The following FAM210A variants were observed in gnomAD, a reference collection of about 807,000 sequenced individuals.
FAM210A encodes the protein family with sequence similarity 210 member A.
A neutral mutation model predicts 25.3 loss-of-function variants in FAM210A; 13 were observed. The ratio of observed to expected loss-of-function variants is 0.51; its 90% CI spans 0.33 to 0.82. The LOEUF is 0.82. FAM210A is among the 40% of genes least tolerant of loss of function. The pLI, the probability that FAM210A is intolerant of heterozygous loss-of-function variation, is 0.02. For missense variants in FAM210A, 319 were observed against 323.2 expected, an observed-to-expected ratio of 0.99 and a Z score of 0.10; for synonymous variants, 125 against 118.7, an observed-to-expected ratio of 1.05 and a Z score of -0.35.
intron 3 of FAM210A, among the ~76,000 whole-genome samples, chr18:13,668,462 T>A (rs896785374): frequency 6.6e-6 from 1 of 152,246 alleles, no homozygotes; most frequent in African/African-American, 2.4e-5. Context: ...TAGTGCCAAC[T>A]ATACATGGAT....
At chr18:13,684,931 G>A (rs1230050475) in intron 1 of FAM210A, among the ~76,000 whole-genome samples, 1 of 152,116 alleles carries the variant, frequency 6.6e-6, no homozygotes, top group Non-Finnish European at 1.5e-5. Context: ...TCCCAATTAT[G>A]TGGAATTTAA....
chr18:13,672,802 C>G lies in FAM210A; in HGVS notation c.474-829G>C, dbSNP rs141595450. On this transcript the variant is annotated intron_variant, in intron 2 of 3. Coordinates refer to ENST00000651643, the MANE Select transcript of FAM210A (RefSeq NM_152352.4). ...GTTATTATGCAAAGAATAAACGACACTATGGGTTTGATGAAAACTTCAATT... is the reference window on the plus strand; with the variant it reads ...GTTATTATGCAAAGAATAAACGACAGTATGGGTTTGATGAAAACTTCAATT... Among the ~76,000 whole-genome samples the G allele has an allele frequency of 2.6e-5, 4 of 152,328 alleles. No individual in the cohort carries two copies. The East Asian group carries it at 7.7e-4, about 29-fold the overall frequency.
At chr18:13,675,035 T>G (rs569779045) in intron 2 of FAM210A, among the ~76,000 whole-genome samples, 5 of 98,436 alleles carry the variant, frequency 5.1e-5, no homozygotes, top group South Asian at 4.0e-4. Flanking sequence ...CTGGCTTCTT[T>G]ATTTCCTGTT....
In FAM210A at chr18:13,677,370, G is replaced by A. The variant is rs979010383; in HGVS notation, c.473+4235C>T. The stretch of plus-strand genomic sequence containing the variant: ...ATTACAGGCGTGAGCCATCACGCCC[G>A]GCCCCTGTCCCGCTTAAGGGCTTAC... On this transcript the variant is annotated intron_variant, in intron 2 of 3. Transcript: ENST00000651643. Among the ~76,000 whole-genome samples the A allele has an allele frequency of 3.0e-4, 46 of 152,244 alleles. 1 individual carries two copies. The highest frequency in any genetic ancestry group is 9.9e-4 in the African/African-American group (41 of 41,556).
intron 3 of FAM210A, among the ~76,000 whole-genome samples, chr18:13,670,450 T>C (rs2043432538): frequency 6.6e-6 from 1 of 152,228 alleles, no homozygotes; most frequent in Non-Finnish European, 1.5e-5. Context: ...AGGATGCTAA[T>C]GAGGATGACA....
rs11464991 is a variant in FAM210A at position 13,698,351 on chromosome 18, C to CAAAAA, written c.-28-16251_-28-16247dup. 1.3e-3 allele frequency among the ~76,000 whole-genome samples: 96 copies of CAAAAA among 72,886 alleles called. 1 individual carries two copies. The highest frequency in any genetic ancestry group is 4.6e-3 in the African/African-American group (84 of 18,236). 47.8% of individuals were successfully genotyped at this position (72,886 alleles called of 152,430 possible). On this transcript the variant is annotated intron_variant, in intron 1 of 3. Coordinates refer to ENST00000651643, the MANE Select transcript of FAM210A (RefSeq NM_152352.4). The stretch of plus-strand genomic sequence containing the variant: ...TGGGTGACAGAGTGAGACTCCATCT[C>CAAAAA]AAAAAAAAAAAAAAAAAAAAATAAG...
intron 2 of FAM210A, among the ~76,000 whole-genome samples, chr18:13,679,676 CAAAT>C (rs1489534241): frequency 2.0e-5 from 3 of 152,136 alleles, no homozygotes; most frequent in South Asian, 4.1e-4. Flanking sequence ...CCTATGCTAA[CAAAT>C]AGCCCCAAAG....
intron 1 of FAM210A, among the ~76,000 whole-genome samples, chr18:13,695,920 T>C (rs2043689277): frequency 6.6e-6 from 1 of 152,134 alleles, no homozygotes; most frequent in African/African-American, 2.4e-5. Flanking sequence ...AGATCAAATA[T>C]ATAAAAGTTA....
At chr18:13,689,701 G>C (rs993335685) in intron 1 of FAM210A, among the ~76,000 whole-genome samples, 2 of 152,306 alleles carry the variant, frequency 1.3e-5, no homozygotes, top group Non-Finnish European at 2.9e-5. Context: ...ATACCGATTG[G>C]AAAGGAAGAT....
intron 1 of FAM210A, among the ~76,000 whole-genome samples, chr18:13,711,371 AAAT>A (rs1258938126): frequency 6.6e-6 from 1 of 152,196 alleles, no homozygotes; most frequent in African/African-American, 2.4e-5. Flanking sequence ...TCAATCTCAA[AAAT>A]AAAACAAAAA....
chr18:13,722,087 G>A (rs770250051), intron 1 of FAM210A, among the ~76,000 whole-genome samples: 5 of 151,960 alleles, frequency 3.3e-5, no homozygotes, highest in Non-Finnish European at 5.9e-5. Flanking sequence ...TTAAAGTAAA[G>A]CTTCCATTCA....
intron 1 of FAM210A, among the ~76,000 whole-genome samples, chr18:13,713,682 C>T (rs1453173876): frequency 6.7e-6 from 1 of 149,758 alleles, no homozygotes; most frequent in Admixed American, 6.7e-5. Context: ...ATTCCATCTT[C>T]CACTGCTTCC....
intron 1 of FAM210A, among the ~76,000 whole-genome samples, chr18:13,689,575 C>T (rs1280194301): frequency 3.9e-5 from 6 of 152,230 alleles, no homozygotes; most frequent in Non-Finnish European, 5.9e-5. Flanking sequence ...TGGACGCTCG[C>T]CCCCGTGGCT....
chr18:13,676,200 T>G (rs1194345997), intron 2 of FAM210A, among the ~76,000 whole-genome samples: 3 of 128,866 alleles, frequency 2.3e-5, no homozygotes, highest in African/African-American at 9.5e-5. Context: ...ATTATTAACA[T>G]TCCTGAGCCC....
At chr18:13,706,842 C>T (rs112961304) in intron 1 of FAM210A, among the ~76,000 whole-genome samples, 29 of 152,286 alleles carry the variant, frequency 1.9e-4, no homozygotes, top group South Asian at 4.1e-4. Flanking sequence ...ATAAAAATTC[C>T]GTTGTAGGGG....
chr18:13,688,676 A>G (rs2043617733), intron 1 of FAM210A, among the ~76,000 whole-genome samples: 1 of 152,238 alleles, frequency 6.6e-6, no homozygotes, highest in African/African-American at 2.4e-5. Context: ...GGCGGAGAGC[A>G]GCCACCCCAC....
At chr18:13,693,101 C>T (rs1188989390) in intron 1 of FAM210A, among the ~76,000 whole-genome samples, 26 of 152,252 alleles carry the variant, frequency 1.7e-4, no homozygotes, top group Non-Finnish European at 3.7e-4. Flanking sequence ...AAACTACCAT[C>T]GGAGAATACT....
intron 1 of FAM210A, among the ~76,000 whole-genome samples, chr18:13,712,575 G>A (rs1026054373): frequency 6.6e-6 from 1 of 152,006 alleles, no homozygotes; most frequent in Non-Finnish European, 1.5e-5. Context: ...TGAGAATAGC[G>A]ACCTTATAAA....
rs529910190 is a variant in FAM210A at position 13,699,355 on chromosome 18, C to T, written c.-28-17250G>A. Among the ~76,000 whole-genome samples the T allele has an allele frequency of 4.6e-5, 7 of 152,278 alleles. No individual in the cohort carries two copies. In the South Asian group the frequency reaches 1.4e-3, roughly 32 times the overall value. Reference sequence around the variant, plus strand: ...ACAAGCTGAATTAAGGATGAAGCCACTGCCAAATTCTTAATTTTCAGAAAA... The same window carrying T: ...ACAAGCTGAATTAAGGATGAAGCCATTGCCAAATTCTTAATTTTCAGAAAA... On this transcript the variant is annotated intron_variant, in intron 1 of 3. Transcript: ENST00000651643.
Sources: gnomAD v4.1 joint callset for allele counts (sites outside exome capture counted in the v4.1 genomes callset) on GRCh38, gnomAD v4.1.1 for gene constraint, MANE v1.5 for transcripts, NCBI Gene and HGNC (gene_info 2026-07-23, HGNC 2026-07-21) for gene names.